The following RTF1 variants were observed in gnomAD, a reference collection of about 807,000 sequenced individuals.
RTF1 encodes RTF1 homolog, Paf1/RNA polymerase II complex component, also known as RNA polymerase-associated protein RTF1 homolog.
A neutral mutation model predicts 95.7 loss-of-function variants in RTF1; 10 were observed. The observed-to-expected ratio is 0.10, with a 90% CI of 0.06 to 0.18. The LOEUF is 0.18. Ranked by LOEUF, RTF1 falls within the 10% of genes least tolerant of loss-of-function variation. RTF1 has a pLI of 1.00. For synonymous variants in RTF1, 305 were observed against 311.8 expected, an observed-to-expected ratio of 0.98 and a Z score of 0.23; for missense variants, 458 against 875.6, an observed-to-expected ratio of 0.52 and a Z score of 6.02.
chr15:41,432,363 A>G (rs2050679367), intron 1 of RTF1, among the ~76,000 whole-genome samples: 1 of 150,840 alleles, frequency 6.6e-6, no homozygotes, highest in African/African-American at 2.4e-5. Context: ...ACGCCTGGCT[A>G]ATTTTTTGTA....
chr15:41,420,777 G>A (rs2050596470), intron 1 of RTF1, among the ~76,000 whole-genome samples: 2 of 152,092 alleles, frequency 1.3e-5, no homozygotes, highest in African/African-American at 2.4e-5. Flanking sequence ...GAAGCCACCT[G>A]GGTTGCTTAT....
chr15:41,431,218 C>CT (rs543088486), intron 1 of RTF1, among the ~76,000 whole-genome samples: 9,759 of 129,902 alleles, frequency 0.075, 363 homozygotes, highest in East Asian at 0.17. Flanking sequence ...TTTCTTTTTT[C>CT]TTTTTTTTTT....
intron 4 of RTF1, among the ~76,000 whole-genome samples, chr15:41,464,238 T>A (rs1020809333): frequency 6.6e-6 from 1 of 151,222 alleles, no homozygotes; most frequent in African/African-American, 2.4e-5. Context: ...ATACCCTATA[T>A]ATGTTCTCTT....
chr15:41,457,715 A>G lies in RTF1; in HGVS notation c.501A>G (p.Ser167=). 1 of 1,614,104 alleles carries G rather than the reference A, an allele frequency of 6.2e-7. No homozygotes were observed. The highest frequency in any genetic ancestry group is 8.5e-7 in the Non-Finnish European group (1 of 1,180,010). Residue 167 remains serine, a synonymous_variant, in exon 4 of 18, where the codon TCA becomes TCG. Transcript: ENST00000389629. ...ACAGCAACAGCTCCTCTTCCAGTTC[A>G]GATTCAGACTCTTCCTCAGAAGATG... The part of the protein sequence containing the change: ...DSDSNSSSSS[S]DSDSSSEDEE...
Position 41,417,225 on chromosome 15 carries a change from G to A in RTF1, c.110G>A (p.Arg37Gln), listed in dbSNP as rs770851028. The A allele has an allele frequency of 1.2e-5, 15 of 1,259,752 alleles. No homozygotes were observed. Among genetic ancestry groups the A allele is most frequent in the African/African-American group, 1.5e-5 (1 of 64,584 alleles). 78.0% of individuals were successfully genotyped at this position (1,259,752 alleles called of 1,614,324 possible). Residue 37 changes from arginine to glutamine, a missense_variant, in exon 1 of 18, where the codon CGG (arginine) becomes CAG (glutamine). Arg to Gln is a conservative substitution (Grantham distance 43). Coordinates refer to ENST00000389629, the MANE Select transcript of RTF1 (RefSeq NM_015138.5). ...GSPGGGRRGSRGTTMVKKRKG... is the reference protein window; with the variant it reads ...GSPGGGRRGSQGTTMVKKRKG... ...CCGGGCGGCGGCCGGCGTGGGAGCC[G>A]GGGGACCACCATGGTAAAGAAGCGG...
chr15:41,443,301 G>T (rs114100423), intron 2 of RTF1, among the ~76,000 whole-genome samples: 31 of 152,248 alleles, frequency 2.0e-4, no homozygotes, highest in African/African-American at 5.3e-4. Flanking sequence ...GTAGCTTGGT[G>T]GGGGGAAACA....
At chr15:41,469,747 A>T (rs2050900153) in intron 6 of RTF1, among the ~76,000 whole-genome samples, 1 of 151,462 alleles carries the variant, frequency 6.6e-6, no homozygotes, top group Non-Finnish European at 1.5e-5. Flanking sequence ...CTGGTCTCGA[A>T]CTCCTGACCT....
intron 1 of RTF1, among the ~76,000 whole-genome samples, chr15:41,431,057 C>T (rs1193069489): frequency 1.3e-5 from 2 of 151,606 alleles, no homozygotes; most frequent in East Asian, 3.9e-4. Context: ...GCGCCTGCCA[C>T]CATGCCCAGC....
chr15:41,468,627 C>G (rs1296329143), intron 6 of RTF1, among the ~76,000 whole-genome samples: 1 of 152,110 alleles, frequency 6.6e-6, no homozygotes. Context: ...TAAAGAGAAA[C>G]TTCTAATCAG....
intron 2 of RTF1, among the ~76,000 whole-genome samples, chr15:41,444,163 C>G (rs2050749267): frequency 6.6e-6 from 1 of 151,882 alleles, no homozygotes; most frequent in Non-Finnish European, 1.5e-5. Flanking sequence ...CCCAGCTACT[C>G]AGGAGGCTGA....
chr15:41,466,112 G>T, intron 5 of RTF1, 29 bp from the exon 6 acceptor site: 1 of 1,423,434 alleles, frequency 7.0e-7, no homozygotes, highest in Non-Finnish European at 9.5e-7. Context: ...TGGTAAAAAG[G>T]GCCATTCTAT....
intron 16 of RTF1, 34 bp from the exon 17 acceptor site, chr15:41,480,180 G>T: frequency 1.5e-6 from 2 of 1,349,646 alleles, no homozygotes; most frequent in Non-Finnish European, 2.1e-6. Flanking sequence ...TTGCATTTAT[G>T]CTCTTACCAT....
chr15:41,428,143 G>T (rs1386077206), intron 1 of RTF1, among the ~76,000 whole-genome samples: 5 of 150,908 alleles, frequency 3.3e-5, no homozygotes, highest in African/African-American at 1.2e-4. Context: ...TGTCACCCAA[G>T]CTACATGGTG....
intron 1 of RTF1, among the ~76,000 whole-genome samples, chr15:41,426,781 A>ATG (rs58073154): frequency 0.23 from 18,347 of 78,086 alleles, 1,838 homozygotes; most frequent in Admixed American, 0.31. Flanking sequence ...CTACATATAT[A>ATG]TGTGTGTGTG....
intron 1 of RTF1, among the ~76,000 whole-genome samples, chr15:41,430,649 G>A (rs1418259024): frequency 6.6e-6 from 1 of 151,540 alleles, no homozygotes; most frequent in African/African-American, 2.4e-5. Flanking sequence ...GCTGAGGTGG[G>A]AGAATCGCTT....
chr15:41,449,033 C>T (rs1005853042), intron 2 of RTF1, among the ~76,000 whole-genome samples: 4 of 151,662 alleles, frequency 2.6e-5, no homozygotes, highest in East Asian at 1.9e-4. Context: ...TATAAGCGTT[C>T]GCCATCACGC....
intron 4 of RTF1, among the ~76,000 whole-genome samples, chr15:41,463,217 C>T (rs892060276): frequency 1.3e-5 from 2 of 152,134 alleles, no homozygotes; most frequent in African/African-American, 4.8e-5. Flanking sequence ...TTTTGTTTAT[C>T]TGTCCATCTG....
Position 41,482,745 on chromosome 15 carries a change from A to G in RTF1, c.*2058A>G, listed in dbSNP as rs1214562919. 5.2e-5 allele frequency: 8 copies of G among 152,584 alleles called. No individual in the cohort carries two copies. Among genetic ancestry groups the G allele is most frequent in the African/African-American group, 1.4e-4 (6 of 41,436 alleles). 9.5% of individuals were successfully genotyped at this position (152,584 alleles called of 1,614,324 possible). On this transcript the variant is annotated 3_prime_UTR_variant, in exon 18 of 18. Coordinates refer to ENST00000389629, the MANE Select transcript of RTF1 (RefSeq NM_015138.5). ...CTATTGTGTAAATGTGGAATCACAGACTGTTAACATTGCCTGGACTTCAGC... is the reference window on the plus strand; with the variant it reads ...CTATTGTGTAAATGTGGAATCACAGGCTGTTAACATTGCCTGGACTTCAGC...
intron 4 of RTF1, among the ~76,000 whole-genome samples, chr15:41,460,948 C>G (rs1459231091): frequency 6.6e-6 from 1 of 150,544 alleles, no homozygotes; most frequent in African/African-American, 2.4e-5. Context: ...ACGATCTTGG[C>G]TCACTGCAAC....
Sources: allele counts gnomAD v4.1 joint callset (sites outside exome capture counted in the v4.1 genomes callset), GRCh38; gene constraint gnomAD v4.1.1; transcripts MANE v1.5; gene names NCBI Gene and HGNC (gene_info 2026-07-23, HGNC 2026-07-21).